Variants in STAB2 observed in about 807,000 individuals in gnomAD.
STAB2 encodes the protein stabilin 2.
Under a neutral mutation model 338.1 loss-of-function variants are expected in STAB2, and 288 were observed. That is an observed-to-expected ratio of 0.85 (90% CI 0.77 to 0.94). The LOEUF (loss-of-function observed/expected upper bound fraction) is 0.94. Ranked by LOEUF, STAB2 falls within the 40% of genes least tolerant of loss-of-function variation. The probability of loss-of-function intolerance (pLI) is 0.00; values close to 1 mark genes in which losing one functional copy is unlikely to be tolerated. For synonymous variants in STAB2, 1,202 were observed against 1,193.3 expected (o/e 1.01, Z -0.15); for missense variants, 3,141 against 3,210.1 (o/e 0.98, Z 0.52).
At chr12:103,726,841 T>C (rs1881245223) in intron 46 of STAB2, among the ~76,000 whole-genome samples, 1 of 152,176 alleles carries the variant, frequency 6.6e-6, no homozygotes, top group South Asian at 2.1e-4. Flanking sequence ...ATAGTAACCA[T>C]ATGATCTTAG....
intron 49 of STAB2, among the ~76,000 whole-genome samples, chr12:103,730,544 T>G (rs1189535836): frequency 6.6e-6 from 1 of 152,214 alleles, no homozygotes; most frequent in Non-Finnish European, 1.5e-5. Context: ...GGAGTAAAAT[T>G]CCTTCTAAAT....
chr12:103,695,668 C>T lies in STAB2; in HGVS notation c.3474+20C>T, dbSNP rs185730310. 6.1e-5 allele frequency: 98 copies of T among 1,614,116 alleles called. No individual in the cohort carries two copies. The East Asian group carries it at 2.1e-3, about 34-fold the overall frequency. On this transcript the variant is annotated intron_variant, in intron 32 of 68. Transcript: ENST00000388887. Reference sequence around the variant, plus strand: ...ATCATTGCAAGTACCACATTCTCTGCCTGACCACCATGCTCAGGTTACCCA... The same window carrying T: ...ATCATTGCAAGTACCACATTCTCTGTCTGACCACCATGCTCAGGTTACCCA...
intron 13 of STAB2, 171 bp downstream of exon 13, chr12:103,654,869 C>A: frequency 1.2e-6 from 1 of 833,578 alleles, no homozygotes. Flanking sequence ...CTGGGAATCT[C>A]TGCAGAAAGA....
intron 29 of STAB2, 63 bp from the exon 30 acceptor site, chr12:103,690,361 T>C: frequency 7.4e-7 from 1 of 1,354,246 alleles, no homozygotes; most frequent in Non-Finnish European, 1.0e-6. Flanking sequence ...TTCTCTTAAC[T>C]ATTCAATGAT....
intron 15 of STAB2, among the ~76,000 whole-genome samples, chr12:103,659,708 G>T (rs374225693): frequency 1.3e-5 from 2 of 152,174 alleles, no homozygotes; most frequent in South Asian, 4.1e-4. Flanking sequence ...TCCTTTGTGG[G>T]GCTAGGACCC....
Position 103,755,435 on chromosome 12 carries a change from A to C in STAB2, c.6848A>C (p.Glu2283Ala). The C allele has an allele frequency of 6.2e-7, 1 of 1,614,080 alleles. No individual in the cohort carries two copies. The highest frequency in any genetic ancestry group is 8.5e-7 in the Non-Finnish European group (1 of 1,180,000). ...VDYGPRPNKS[E>A]MWDVFCYRMK... ...TATGGACCTAGACCCAACAAGAGTGAAATGTGGGATGTCTTCTGCTATCGG... is the reference window on the plus strand; with the variant it reads ...TATGGACCTAGACCCAACAAGAGTGCAATGTGGGATGTCTTCTGCTATCGG... The change falls in exon 62 of 69, where the codon GAA becomes GCA. Residue 2283 changes from glutamate (E) to alanine (A), a missense_variant. Physicochemically the swap from Glu to Ala is moderately radical, Grantham distance 107. Coordinates refer to ENST00000388887, the MANE Select transcript of STAB2 (RefSeq NM_017564.10).
chr12:103,655,388 C>A, intron 14 of STAB2, 68 bp from the exon 15 acceptor site: 1 of 1,602,324 alleles, frequency 6.2e-7, no homozygotes, highest in Admixed American at 1.7e-5. Context: ...TTATAAATTT[C>A]TGGCGAATTA....
chr12:103,725,242 G>C, intron 45 of STAB2, 148 bp downstream of exon 45: 1 of 1,319,280 alleles, frequency 7.6e-7, no homozygotes, highest in South Asian at 1.6e-5. Context: ...GCAATGAAAA[G>C]AAATTTTGTC....
chr12:103,697,770 C>CACAA (rs1256279719), intron 33 of STAB2, among the ~76,000 whole-genome samples: 1 of 152,168 alleles, frequency 6.6e-6, no homozygotes, highest in Non-Finnish European at 1.5e-5. Flanking sequence ...AAAGAAATAT[C>CACAA]ACAATGGTAG....
chr12:103,741,458 C>T (rs1025856338), intron 55 of STAB2, among the ~76,000 whole-genome samples: 5 of 152,104 alleles, frequency 3.3e-5, no homozygotes, highest in Admixed American at 3.3e-4. Context: ...TTCCCCTCCC[C>T]ACTGACTTTT....
chr12:103,724,493 G>C (rs1881025797), intron 44 of STAB2, among the ~76,000 whole-genome samples: 1 of 152,176 alleles, frequency 6.6e-6, no homozygotes, highest in Non-Finnish European at 1.5e-5. Context: ...TGTTAGCTTT[G>C]AACCGTGCTT....
At chr12:103,679,266 G>T (rs952004233) in intron 25 of STAB2, among the ~76,000 whole-genome samples, 1 of 152,154 alleles carries the variant, frequency 6.6e-6, no homozygotes, top group African/African-American at 2.4e-5. Context: ...TACTCGGGAG[G>T]CTGAGGCAGG....
chr12:103,614,739 C>T (rs946118330), intron 3 of STAB2, among the ~76,000 whole-genome samples: 3 of 152,228 alleles, frequency 2.0e-5, no homozygotes, highest in Admixed American at 2.0e-4. Flanking sequence ...GGCACATCAA[C>T]TCATAGGCAT....
Position 103,725,112 on chromosome 12 carries a change from T to G in STAB2, c.4803+18T>G. 1 of 1,604,354 alleles carries G rather than the reference T, an allele frequency of 6.2e-7. No homozygotes were observed. The highest frequency in any genetic ancestry group is 8.5e-7 in the Non-Finnish European group (1 of 1,171,888). On this transcript the variant is annotated intron_variant, in intron 45 of 68. Coordinates refer to ENST00000388887, the MANE Select transcript of STAB2 (RefSeq NM_017564.10). ...TTTATCAGGTAACGCGAGACATGTT[T>G]CCATCAAGTAAACTCTACTTCCCTA...
intron 57 of STAB2, chr12:103,746,364 C>T: frequency 5.2e-6 from 2 of 384,866 alleles, no homozygotes; most frequent in Non-Finnish European, 9.6e-6. Context: ...CATTTTTTCT[C>T]ATATAAATCT....
chr12:103,606,692 T>C (rs2723889), intron 3 of STAB2, among the ~76,000 whole-genome samples: 109,171 of 152,154 alleles, frequency 0.72, 39,416 homozygotes, highest in East Asian at 0.88. Context: ...TTGTTTCTAA[T>C]AAGATCTGCT....
chr12:103,651,823 T>G (rs1873767323), intron 11 of STAB2, among the ~76,000 whole-genome samples: 1 of 152,230 alleles, frequency 6.6e-6, no homozygotes, highest in African/African-American at 2.4e-5. Flanking sequence ...TTTGTGGTAA[T>G]AATTTTTGTT....
chr12:103,636,977 TA>T, intron 6 of STAB2, 133 bp from the exon 7 acceptor site: 1 of 938,578 alleles, frequency 1.1e-6, no homozygotes, highest in Non-Finnish European at 1.5e-6. Context: ...AATTTTAACT[TA>T]ACGTGTTCTG....
intron 5 of STAB2, among the ~76,000 whole-genome samples, chr12:103,626,638 A>G (rs966907542): frequency 3.3e-5 from 5 of 152,212 alleles, no homozygotes; most frequent in Non-Finnish European, 7.3e-5. Context: ...GTCATTTCCC[A>G]CTGACAAGGA....
Sources: allele counts gnomAD v4.1 joint callset (sites outside exome capture counted in the v4.1 genomes callset), GRCh38; gene constraint gnomAD v4.1.1; transcripts MANE v1.5; gene names NCBI Gene and HGNC (gene_info 2026-07-23, HGNC 2026-07-21).